The following PCDHA12 variants were observed in gnomAD, a reference collection of about 807,000 sequenced individuals.
The protein encoded by PCDHA12 is protocadherin alpha-12.
PCDHA12 carries 44 observed loss-of-function variants against 60.0 expected under a neutral mutation model. That is an observed-to-expected ratio of 0.73 (90% confidence interval 0.58 to 0.94). The LOEUF (loss-of-function observed/expected upper bound fraction) is 0.94. PCDHA12 is among the 40% of genes least tolerant of loss of function. PCDHA12 has a pLI of 0.00. For synonymous variants in PCDHA12, 569 were observed against 553.0 expected, an observed-to-expected ratio of 1.03 and a Z score of -0.40; for missense variants, 1,276 against 1,239.7, an observed-to-expected ratio of 1.03 and a Z score of -0.44.
intron 1 of PCDHA12, among the ~76,000 whole-genome samples, chr5:140,905,301 C>T (rs1476283859): frequency 6.6e-6 from 1 of 152,182 alleles, no homozygotes; most frequent in Admixed American, 6.5e-5. Context: ...GGTGTCCTTT[C>T]CACACTTTGT....
intron 1 of PCDHA12, chr5:140,927,441 G>A: frequency 5.0e-6 from 8 of 1,614,130 alleles, no homozygotes; most frequent in Non-Finnish European, 4.2e-6. Context: ...GCGAATACCC[G>A]GAGTTGGTGT....
chr5:141,000,765 G>T (rs1554257794), intron 3 of PCDHA12, among the ~76,000 whole-genome samples: 9 of 151,816 alleles, frequency 5.9e-5, no homozygotes, highest in Non-Finnish European at 2.9e-5. Context: ...ATCTTAGCCA[G>T]GCATAGTGGC....
intron 1 of PCDHA12, among the ~76,000 whole-genome samples, chr5:140,960,594 G>A (rs1341832093): frequency 6.6e-6 from 1 of 152,042 alleles, no homozygotes; most frequent in African/African-American, 2.4e-5. Flanking sequence ...CAAATTCAAG[G>A]TACTTCAACA....
At chr5:140,883,912 C>A in intron 1 of PCDHA12, 1 of 1,613,300 alleles carries the variant, frequency 6.2e-7, no homozygotes, top group South Asian at 1.1e-5. Context: ...TGGGCAGCAA[C>A]GTGACGCTGC....
chr5:140,952,006 T>C (rs2094672029), intron 1 of PCDHA12, among the ~76,000 whole-genome samples: 1 of 152,184 alleles, frequency 6.6e-6, no homozygotes, highest in African/African-American at 2.4e-5. Context: ...GAAAGAATTA[T>C]AGGCCCCATG....
At chr5:140,925,108 G>GGAGGGAA (rs1554202548) in intron 1 of PCDHA12, among the ~76,000 whole-genome samples, 1 of 124,702 alleles carries the variant, frequency 8.0e-6, no homozygotes, top group African/African-American at 3.3e-5. Context: ...GAAGGAAGGA[G>GGAGGGAA]GGAAGGAAGG....
intron 1 of PCDHA12, among the ~76,000 whole-genome samples, chr5:140,977,625 T>A (rs2096768746): frequency 6.6e-6 from 1 of 152,144 alleles, no homozygotes; most frequent in Non-Finnish European, 1.5e-5. Flanking sequence ...ATCCCAGAGT[T>A]GTAACTTTTT....
intron 1 of PCDHA12, among the ~76,000 whole-genome samples, chr5:140,917,553 T>C (rs1220066857): frequency 6.6e-6 from 1 of 152,258 alleles, no homozygotes; most frequent in African/African-American, 2.4e-5. Context: ...TACATTTAAC[T>C]CTTTAATCCA....
chr5:140,960,293 T>C (rs990761387), intron 1 of PCDHA12, among the ~76,000 whole-genome samples: 5 of 152,174 alleles, frequency 3.3e-5, no homozygotes, highest in Non-Finnish European at 7.3e-5. Flanking sequence ...ACCCAGTTTC[T>C]TCATCAATAC....
intron 1 of PCDHA12, among the ~76,000 whole-genome samples, chr5:140,914,155 A>G (rs1432406316): frequency 6.6e-6 from 1 of 152,188 alleles, no homozygotes; most frequent in Admixed American, 6.5e-5. Flanking sequence ...GTTCTGTCCA[A>G]TACGGAAAGT....
At chr5:140,883,577 G>A (rs782633953) in intron 1 of PCDHA12, 3 of 1,614,052 alleles carry the variant, frequency 1.9e-6, no homozygotes, top group Non-Finnish European at 2.5e-6. Context: ...TTCGCTGTGG[G>A]CCACGGCCAG....
intron 1 of PCDHA12, among the ~76,000 whole-genome samples, chr5:140,891,039 AC>A (rs143686625): frequency 0.024 from 3,682 of 152,150 alleles, 153 homozygotes; most frequent in African/African-American, 0.085. Context: ...CTTAGGTGTG[AC>A]CCCCACAGCA....
chr5:140,960,993 A>G (rs1053601284), intron 1 of PCDHA12, among the ~76,000 whole-genome samples: 1 of 152,140 alleles, frequency 6.6e-6, no homozygotes, highest in Non-Finnish European at 1.5e-5. Context: ...AAAATGCTCA[A>G]TTTGCTGCTG....
At chr5:140,893,117 T>C (rs536917492) in intron 1 of PCDHA12, among the ~76,000 whole-genome samples, 72 of 152,356 alleles carry the variant, frequency 4.7e-4, no homozygotes, top group South Asian at 1.2e-3. Flanking sequence ...GTTGTGCATA[T>C]ACACCACATT....
chr5:140,979,615 A>G (rs965487699), intron 2 of PCDHA12, among the ~76,000 whole-genome samples: 1 of 152,258 alleles, frequency 6.6e-6, no homozygotes, highest in Non-Finnish European at 1.5e-5. Context: ...GAGTAACGGT[A>G]TTAGTCTAAG....
chr5:140,968,257 T>A (rs781932747), intron 1 of PCDHA12: 1 of 1,614,064 alleles, frequency 6.2e-7, no homozygotes, highest in Non-Finnish European at 8.5e-7. Flanking sequence ...CAGACCCAGA[T>A]GAAAAGGAGA....
rs79215949 is a variant in PCDHA12 at position 140,921,420 on chromosome 5, C to T, written c.2367+43581C>T. Among the ~76,000 whole-genome samples, 1,220 of 152,204 alleles carry T rather than the reference C, an allele frequency of 8.0e-3. 6 individuals carry two copies. The highest frequency in any genetic ancestry group is 0.019 in the African/African-American group (786 of 41,526). On this transcript the variant is annotated intron_variant, in intron 1 of 3. Coordinates refer to ENST00000398631, the MANE Select transcript of PCDHA12 (RefSeq NM_018903.4). Reference sequence around the variant, plus strand: ...ACTAGATTTTCCTCTGTGCTGCAGACAAAAATTTTCTTCAATGGTGTCTGA... The same window carrying T: ...ACTAGATTTTCCTCTGTGCTGCAGATAAAAATTTTCTTCAATGGTGTCTGA...
intron 3 of PCDHA12, among the ~76,000 whole-genome samples, chr5:140,994,883 A>G (rs1197020328): frequency 2.6e-5 from 4 of 152,222 alleles, no homozygotes; most frequent in Non-Finnish European, 5.9e-5. Context: ...AAGAGATGTT[A>G]GGAAATGAGA....
chr5:141,006,425 G>A (rs1483231288), intron 3 of PCDHA12, among the ~76,000 whole-genome samples: 2 of 152,080 alleles, frequency 1.3e-5, no homozygotes, highest in African/African-American at 4.8e-5. Context: ...GTGTTAGCCA[G>A]GATGGTCTCA....
Sources: allele counts gnomAD v4.1 joint callset (sites outside exome capture counted in the v4.1 genomes callset), GRCh38; gene constraint gnomAD v4.1.1; transcripts MANE v1.5; gene names NCBI Gene and HGNC (gene_info 2026-07-23, HGNC 2026-07-21).